Variants in PTPN9 observed in about 807,000 individuals in gnomAD.
PTPN9 encodes the protein tyrosine-protein phosphatase non-receptor type 9.
Under a neutral mutation model 69.8 loss-of-function variants are expected in PTPN9, and 26 were observed. The ratio of observed to expected loss-of-function variants is 0.37; its 90% confidence interval spans 0.27 to 0.52. PTPN9 has a LOEUF of 0.52. Among genes scored for constraint, PTPN9 ranks in the 20% least tolerant of loss-of-function variants. The pLI, the probability that PTPN9 is intolerant of heterozygous loss-of-function variation, is 0.91. For missense variants in PTPN9, 549 were observed against 740.3 expected (o/e 0.74, Z 3.00); for synonymous variants, 274 against 272.5 (o/e 1.01, Z -0.05).
At chr15:75,482,359 A>G (rs1283082999) in intron 8 of PTPN9, among the ~76,000 whole-genome samples, 1 of 152,136 alleles carries the variant, frequency 6.6e-6, no homozygotes, top group South Asian at 2.1e-4. Context: ...AGGTCAGGAG[A>G]TCGAGACCAT....
chr15:75,577,737 T>C (rs537802632), intron 1 of PTPN9, among the ~76,000 whole-genome samples: 41 of 152,360 alleles, frequency 2.7e-4, no homozygotes, highest in African/African-American at 9.4e-4. Context: ...GTTGCCAGCA[T>C]GGTTTGCCTT....
At chr15:75,503,952 G>A (rs1211547048) in intron 7 of PTPN9, among the ~76,000 whole-genome samples, 277 of 120,658 alleles carry the variant, frequency 2.3e-3, no homozygotes, top group African/African-American at 8.6e-3. Flanking sequence ...GAGGTGAGGG[G>A]CGCCTCTGCC....
chr15:75,538,475 CTGCT>C (rs1449324171), intron 1 of PTPN9, among the ~76,000 whole-genome samples: 18 of 152,110 alleles, frequency 1.2e-4, no homozygotes, highest in Admixed American at 1.1e-3. Context: ...AGTGGGCAGA[CTGCT>C]TGATCTCAGG....
chr15:75,507,721 C>T (rs1299426639), intron 6 of PTPN9, among the ~76,000 whole-genome samples: 3 of 151,556 alleles, frequency 2.0e-5, no homozygotes, highest in African/African-American at 2.4e-5. Context: ...GAGCCGAGAT[C>T]GCTTCACTGC....
At chr15:75,496,397 T>A (rs2074741711) in intron 7 of PTPN9, among the ~76,000 whole-genome samples, 1 of 151,900 alleles carries the variant, frequency 6.6e-6, no homozygotes. Flanking sequence ...AATTTAAGAA[T>A]GTTACATATA....
intron 1 of PTPN9, among the ~76,000 whole-genome samples, chr15:75,573,576 A>G (rs1312533939): frequency 1.3e-5 from 2 of 152,202 alleles, no homozygotes; most frequent in Non-Finnish European, 2.9e-5. Context: ...TTGATGGGGA[A>G]AAAAATCAAA....
chr15:75,470,619 C>A, intron 11 of PTPN9, 61 bp downstream of exon 11: 2 of 1,565,926 alleles, frequency 1.3e-6, no homozygotes, highest in Non-Finnish European at 1.7e-6. Flanking sequence ...TGGAGATTTT[C>A]ATTACAGTAA....
intron 7 of PTPN9, among the ~76,000 whole-genome samples, chr15:75,494,997 C>T (rs2074731858): frequency 6.6e-6 from 1 of 152,000 alleles, no homozygotes; most frequent in Admixed American, 6.6e-5. Context: ...GCACTCCAGC[C>T]TGGGTGGCAG....
At chr15:75,504,855 TCTGGC>T (rs1425591869) in intron 7 of PTPN9, among the ~76,000 whole-genome samples, 1 of 99,604 alleles carries the variant, frequency 1.0e-5, no homozygotes, top group African/African-American at 4.6e-5. Flanking sequence ...GGTGGGGGGG[TCTGGC>T]CAGCCACCCC....
chr15:75,463,591 A>G lies in PTPN9; in HGVS notation c.*5178T>C, dbSNP rs1595942672. ...ACTTCAGCAGGCCACATTTAGCTCAAACAGGAGGATTTTATGACAGCCAAG... is the reference window on the plus strand; with the variant it reads ...ACTTCAGCAGGCCACATTTAGCTCAGACAGGAGGATTTTATGACAGCCAAG... On this transcript the variant is annotated 3_prime_UTR_variant, in exon 13 of 13. Transcript: ENST00000618819. 2 of 152,218 alleles carry G rather than the reference A, an allele frequency of 1.3e-5. No homozygotes were observed. The highest frequency in any genetic ancestry group is 2.1e-4 in the South Asian group (1 of 4,836). The allele number at this position is 152,218 out of a possible 1,614,324, so 9.4% of individuals were successfully genotyped here.
chr15:75,509,247 C>T (rs964479881), intron 5 of PTPN9, among the ~76,000 whole-genome samples: 5 of 152,168 alleles, frequency 3.3e-5, no homozygotes, highest in African/African-American at 9.6e-5. Flanking sequence ...TCTTGTCTAC[C>T]GTAAGCTTTA....
intron 9 of PTPN9, 84 bp downstream of exon 9, chr15:75,479,764 C>A: frequency 8.4e-7 from 1 of 1,188,072 alleles, no homozygotes; most frequent in South Asian, 1.5e-5. Context: ...AGTTACCATT[C>A]GTTTAAAAAT....
At chr15:75,482,848 G>A (rs1367316350) in intron 8 of PTPN9, among the ~76,000 whole-genome samples, 2 of 151,720 alleles carry the variant, frequency 1.3e-5, no homozygotes, top group East Asian at 1.9e-4. Context: ...CCAGCTACAC[G>A]GGAGGCTGAG....
chr15:75,476,522 C>T (rs190302595), intron 9 of PTPN9, among the ~76,000 whole-genome samples: 1 of 152,244 alleles, frequency 6.6e-6, no homozygotes, highest in Admixed American at 6.5e-5. Context: ...ATCATGTTGG[C>T]CAGGCTGGTT....
chr15:75,473,981 G>A (rs11855799), intron 9 of PTPN9, among the ~76,000 whole-genome samples: 3,467 of 152,138 alleles, frequency 0.023, 190 homozygotes, highest in Admixed American at 0.11. Context: ...GCATGTCAAC[G>A]AGATCCCCAG....
At chr15:75,532,638 C>G (rs1245884523) in intron 1 of PTPN9, among the ~76,000 whole-genome samples, 1 of 152,182 alleles carries the variant, frequency 6.6e-6, no homozygotes, top group Non-Finnish European at 1.5e-5. Flanking sequence ...AACAATTCCT[C>G]CTGGTTTGGC....
Position 75,523,197 on chromosome 15 carries a change from A to G in PTPN9, c.346T>C (p.Leu116=), listed in dbSNP as rs2074912675. The change falls in exon 4 of 13, where the codon TTG becomes CTG. Residue 116 remains leucine (L), a synonymous_variant. Coordinates refer to ENST00000618819, the MANE Select transcript of PTPN9 (RefSeq NM_002833.4). The part of the protein sequence containing the change: ...GASIALFTAR[L]HHPHKSVQHV... Reference sequence around the variant, plus strand: ...TGGACTGACTTGTGGGGATGATGCAACCTGGCAGTAAAGAGGGCAATGGAG... The same window carrying G: ...TGGACTGACTTGTGGGGATGATGCAGCCTGGCAGTAAAGAGGGCAATGGAG... 1.2e-6 allele frequency: 2 copies of G among 1,614,158 alleles called. No individual in the cohort carries two copies. The highest frequency in any genetic ancestry group is 2.2e-5 in the East Asian group (1 of 44,882).
chr15:75,479,947 C>T (rs761512475), intron 8 of PTPN9, 33 bp from the exon 9 acceptor site: 27 of 1,416,952 alleles, frequency 1.9e-5, no homozygotes, highest in Non-Finnish European at 2.5e-5. Context: ...ACTATAGCTA[C>T]ACAGAATACA....
intron 1 of PTPN9, among the ~76,000 whole-genome samples, chr15:75,551,639 T>C (rs1275158657): frequency 2.0e-5 from 3 of 152,158 alleles, no homozygotes; most frequent in Non-Finnish European, 4.4e-5. Context: ...GTCCCATTGA[T>C]GGCAATGAGC....
Sources: gnomAD v4.1 joint callset for allele counts (sites outside exome capture counted in the v4.1 genomes callset) on GRCh38, gnomAD v4.1.1 for gene constraint, MANE v1.5 for transcripts, NCBI Gene and HGNC (gene_info 2026-07-23, HGNC 2026-07-21) for gene names.